PXDN: variants seen among roughly 807,000 people sequenced by gnomAD.
PXDN encodes the protein peroxidasin homolog.
In PXDN, 77 loss-of-function variants were observed where a neutral mutation model predicts 140.3. The observed-to-expected ratio is 0.55, with a 90% CI of 0.46 to 0.66. The LOEUF (loss-of-function observed/expected upper bound fraction) is 0.66. Among genes scored for constraint, PXDN ranks in the 30% least tolerant of loss-of-function variants. The pLI is 0.00. For missense variants in PXDN, 1,838 were observed against 2,039.5 expected, an observed-to-expected ratio of 0.90 and a Z score of 1.90; for synonymous variants, 911 against 857.4, an observed-to-expected ratio of 1.06 and a Z score of -1.09.
chr2:1,670,877 T>C (rs1683556682), intron 9 of PXDN, among the ~76,000 whole-genome samples: 1 of 152,104 alleles, frequency 6.6e-6, no homozygotes, highest in Admixed American at 6.5e-5. Flanking sequence ...CAGTGCCCAG[T>C]AGAAGAGAGA....
At chr2:1,717,795 C>T (rs749798949) in intron 1 of PXDN, among the ~76,000 whole-genome samples, 11 of 149,746 alleles carry the variant, frequency 7.3e-5, no homozygotes, top group Non-Finnish European at 8.9e-5. Context: ...CTCTGCTAAG[C>T]GACCACCCAA....
At chr2:1,668,716 C>G (rs2125430192) in intron 9 of PXDN, among the ~76,000 whole-genome samples, 1 of 152,140 alleles carries the variant, frequency 6.6e-6, no homozygotes, top group South Asian at 2.1e-4. Context: ...CATCACTGGT[C>G]ATTAGAGAAA....
In PXDN at chr2:1,649,233, G is replaced by T. The variant is rs1201172354; in HGVS notation, c.2547C>A (p.Asn849Lys). 3.1e-6 allele frequency: 5 copies of T among 1,613,114 alleles called. No homozygotes were observed. The highest frequency in any genetic ancestry group is 4.2e-6 in the Non-Finnish European group (5 of 1,179,768). The stretch of plus-strand genomic sequence containing the variant: ...AGCAGGGGGGGTCGTTGCTGCACAC[G>T]TTGCTGCAGTGCTGTCCGTCGGAGA... ...ARFSDGQHCS[N>K]VCSNDPPCFS... The change falls in exon 17 of 23, where the codon AAC (asparagine) becomes AAA (lysine). Residue 849 changes from asparagine to lysine, a missense_variant. Physicochemically the swap from Asn to Lys is moderately conservative, Grantham distance 94. Coordinates refer to ENST00000252804, the MANE Select transcript of PXDN (RefSeq NM_012293.3). The surrounding 1 kb of genome is among the most constrained non-coding windows in gnomAD (Gnocchi z 7.1).
intron 16 of PXDN, among the ~76,000 whole-genome samples, chr2:1,650,774 A>G (rs1031516425): frequency 3.3e-5 from 5 of 152,116 alleles, no homozygotes; most frequent in African/African-American, 1.2e-4. Flanking sequence ...AGCCACACTC[A>G]CACTTTCACG....
At chr2:1,728,832 G>A (rs1392277374) in intron 1 of PXDN, among the ~76,000 whole-genome samples, 1 of 152,182 alleles carries the variant, frequency 6.6e-6, no homozygotes, top group Non-Finnish European at 1.5e-5. Context: ...GAATGCACGC[G>A]AAACAGGAGG....
At chr2:1,634,453 C>T in intron 22 of PXDN, 130 bp from the exon 23 acceptor site, 1 of 1,203,976 alleles carries the variant, frequency 8.3e-7, no homozygotes, top group East Asian at 2.6e-5. Context: ...CCTGCCTTGC[C>T]CGCTGTACTT....
At chr2:1,694,489 G>A (rs1170244798) in intron 1 of PXDN, among the ~76,000 whole-genome samples, 2 of 147,286 alleles carry the variant, frequency 1.4e-5, no homozygotes, top group Non-Finnish European at 3.1e-5. Context: ...AGTTCTCCTG[G>A]AGGAGAAGGG....
At chr2:1,688,588 G>A (rs1213305914) in intron 3 of PXDN, among the ~76,000 whole-genome samples, 1 of 152,120 alleles carries the variant, frequency 6.6e-6, no homozygotes, top group Admixed American at 6.5e-5. Flanking sequence ...ACAGCTCTAG[G>A]CCAGCAGCTT....
intron 12 of PXDN, 93 bp downstream of exon 12, chr2:1,663,512 C>T (rs956875275): frequency 5.7e-5 from 86 of 1,512,374 alleles, no homozygotes; most frequent in Non-Finnish European, 6.8e-5. Flanking sequence ...CGCTTTATAA[C>T]GAAGAGTAAC....
intron 1 of PXDN, among the ~76,000 whole-genome samples, chr2:1,727,871 T>G (rs1685225573): frequency 6.6e-6 from 1 of 152,246 alleles, no homozygotes; most frequent in African/African-American, 2.4e-5. Flanking sequence ...TAAAGAAGAT[T>G]GGTTAAGGAC....
chr2:1,732,073 AAAC>A (rs2125490949), intron 1 of PXDN, among the ~76,000 whole-genome samples: 1 of 152,300 alleles, frequency 6.6e-6, no homozygotes, highest in East Asian at 1.9e-4. Context: ...CTTCTGTCTG[AAAC>A]AACCAAAAAC....
chr2:1,677,025 G>A lies in PXDN; in HGVS notation c.750C>T (p.Ser250=), dbSNP rs762530703. 2.1e-5 allele frequency: 33 copies of A among 1,607,352 alleles called. No individual in the cohort carries two copies. Among genetic ancestry groups the A allele is most frequent in the South Asian group, 5.6e-5 (5 of 90,052 alleles). Residue 250 remains serine, a synonymous_variant, in exon 8 of 23, where the codon TCC becomes TCT. Transcript: ENST00000252804. ...AGGTCACATCTGCGTCCTGGGGCTC[G>A]GAGGTGATCCGGGGCCTTTCTGTGC... is the stretch of plus-strand genomic sequence containing the variant. ...ELNCERPRIT[S]EPQDADVTSG...
At chr2:1,727,975 G>A (rs766901440) in intron 1 of PXDN, among the ~76,000 whole-genome samples, 14 of 152,064 alleles carry the variant, frequency 9.2e-5, no homozygotes, top group Non-Finnish European at 1.9e-4. Context: ...TGGCTCTATT[G>A]CCCAGGCTTG....
chr2:1,714,406 T>C lies in PXDN; in HGVS notation c.201-21272A>G, dbSNP rs1040138701. Among the ~76,000 whole-genome samples, 2 of 152,156 alleles carry C rather than the reference T, an allele frequency of 1.3e-5. No homozygotes were observed. Among genetic ancestry groups the C allele is most frequent in the African/African-American group, 4.8e-5 (2 of 41,456 alleles). On this transcript the variant is annotated intron_variant, in intron 1 of 22. Coordinates refer to ENST00000252804, the MANE Select transcript of PXDN (RefSeq NM_012293.3). This position sits in a 1 kb window ranked among gnomAD's most constrained non-coding sequence, Gnocchi z 4.3. Reference sequence around the variant, plus strand: ...CTTGCCTCTGCCAAGAAGATGGGGCTACTGTGGGAGCAGGGACCCTGCCAG... The same window carrying C: ...CTTGCCTCTGCCAAGAAGATGGGGCCACTGTGGGAGCAGGGACCCTGCCAG...
At chr2:1,734,301 A>T (rs946813646) in intron 1 of PXDN, among the ~76,000 whole-genome samples, 5 of 152,250 alleles carry the variant, frequency 3.3e-5, no homozygotes, top group Admixed American at 2.6e-4. Flanking sequence ...TACATACTTT[A>T]AAAAATATTT....
rs60745626 is a variant in PXDN at position 1,685,437 on chromosome 2, C to T, written c.417-1286G>A. ...TCTGCCAGGCAGTGTGCTGACAGGG[C>T]GCCTGTGGTTTTCTGGGGTCCTTGG... On this transcript the variant is annotated intron_variant, in intron 4 of 22. Transcript: ENST00000252804. The surrounding 1 kb of genome is among the most constrained non-coding windows in gnomAD (Gnocchi z 5.1). Among the ~76,000 whole-genome samples the T allele has an allele frequency of 0.3, 45,188 of 151,988 alleles. 7,589 individuals carry two copies. The highest frequency in any genetic ancestry group is 0.46 in the African/African-American group (18,914 of 41,446).
chr2:1,679,119 T>TGC (rs1683802317), intron 7 of PXDN, among the ~76,000 whole-genome samples: 1 of 148,860 alleles, frequency 6.7e-6, no homozygotes, highest in African/African-American at 2.5e-5. Context: ...TGTGTGTGTG[T>TGC]CTATAAATGG....
intron 17 of PXDN, among the ~76,000 whole-genome samples, chr2:1,645,005 A>G (rs967759695): frequency 5.9e-5 from 9 of 152,188 alleles, no homozygotes; most frequent in African/African-American, 2.2e-4. Context: ...AAAAGCCAAG[A>G]AAAGATAAGG....
At chr2:1,656,745 G>A (rs1383238114) in intron 14 of PXDN, among the ~76,000 whole-genome samples, 5 of 127,818 alleles carry the variant, frequency 3.9e-5, no homozygotes, top group Admixed American at 1.9e-4. Context: ...ACAGGGACCT[G>A]CCCCCTCAGT....
Sources: allele counts gnomAD v4.1 joint callset (sites outside exome capture counted in the v4.1 genomes callset), GRCh38; gene constraint gnomAD v4.1.1; non-coding constraint Gnocchi (gnomAD v3.1); transcripts MANE v1.5; gene names NCBI Gene and HGNC (gene_info 2026-07-23, HGNC 2026-07-21).